MBNL2: variants seen among roughly 807,000 people sequenced by gnomAD.
MBNL2 encodes the protein muscleblind-like protein 2.
MBNL2 carries 17 observed loss-of-function variants against 41.9 expected under a neutral mutation model. The ratio of observed to expected loss-of-function variants is 0.41; its 90% CI spans 0.28 to 0.61. The LOEUF (loss-of-function observed/expected upper bound fraction) is 0.61. MBNL2 is among the 20% of genes least tolerant of loss of function. MBNL2 has a pLI of 0.35. For synonymous variants in MBNL2, 195 were observed against 182.9 expected, an observed-to-expected ratio of 1.07 and a Z score of -0.53; for missense variants, 336 against 505.6, an observed-to-expected ratio of 0.66 and a Z score of 3.22.
chr13:97,184,907 A>AT, the MBNL2 span, among the ~76,000 whole-genome samples: 458 of 150,790 alleles, frequency 3.0e-3, 2 homozygotes, highest in Non-Finnish European at 4.8e-3. Context: ...ATAGCCAAAA[A>AT]TTTTTTTTTT....
chr13:97,348,681 C>T (rs1453398154), intron 5 of MBNL2, among the ~76,000 whole-genome samples: 3 of 152,144 alleles, frequency 2.0e-5, no homozygotes, highest in African/African-American at 7.2e-5. Context: ...GTCCAGAGGG[C>T]ATGAAGGACT....
the MBNL2 span, among the ~76,000 whole-genome samples, chr13:97,206,189 CCT>C: frequency 3.4e-4 from 52 of 152,112 alleles, no homozygotes; most frequent in African/African-American, 1.2e-3. Context: ...AATTTACTCC[CCT>C]GTCTGAATCG....
intron 2 of MBNL2, among the ~76,000 whole-genome samples, chr13:97,333,882 ACTT>A (rs1209150625): frequency 6.7e-6 from 1 of 150,080 alleles, no homozygotes; most frequent in Non-Finnish European, 1.5e-5. Context: ...CAGCAGTCAC[ACTT>A]CTTTGGAATC....
chr13:97,346,265 ATGGATGG>A lies in MBNL2; in HGVS notation c.541-538_541-532del, dbSNP rs2061846846. 6.6e-6 allele frequency among the ~76,000 whole-genome samples: 1 copy of A among 152,084 alleles called. No individual in the cohort carries two copies. The highest frequency in any genetic ancestry group is 2.4e-5 in the African/African-American group (1 of 41,394). On this transcript the variant is annotated intron_variant, in intron 4 of 8. Coordinates refer to ENST00000679496, the MANE Select transcript of MBNL2 (RefSeq NM_001382683.1). This position sits in a 1 kb window ranked among gnomAD's most constrained non-coding sequence, Gnocchi z 4.2. The stretch of plus-strand genomic sequence containing the variant: ...AATAGATGGATGGATGGATGGATGG[ATGGATGG>A]ATAGATGGATGGGTGGATGGATAGA...
At chr13:97,195,648 A>G in the MBNL2 span, among the ~76,000 whole-genome samples, 1 of 152,212 alleles carries the variant, frequency 6.6e-6, no homozygotes, top group African/African-American at 2.4e-5. Context: ...GATCTAAGCC[A>G]TGGTACTAAA....
intron 2 of MBNL2, among the ~76,000 whole-genome samples, chr13:97,327,138 C>T (rs921107062): frequency 2.6e-5 from 4 of 152,128 alleles, no homozygotes; most frequent in African/African-American, 7.2e-5. Context: ...GGCACAAGGA[C>T]GAAAACAGAG....
At chr13:97,189,284 A>T in the MBNL2 span, among the ~76,000 whole-genome samples, 10 of 152,144 alleles carry the variant, frequency 6.6e-5, no homozygotes, top group Middle Eastern at 3.2e-3. Context: ...CTCATTGTTG[A>T]TGGAGACTGT....
chr13:97,353,857 A>G (rs2062732245), intron 5 of MBNL2, among the ~76,000 whole-genome samples: 1 of 151,712 alleles, frequency 6.6e-6, no homozygotes, highest in Non-Finnish European at 1.5e-5. Flanking sequence ...ATTGTTCAGG[A>G]AAGTCTGTAC....
rs1267371830 is a variant in MBNL2, at chr13:97,346,346, TAGATGATGGA to T, written c.541-457_541-448del. ...GGATAGATTGATAGATGATAGATAA[TAGATGATGGA>T]TGAATGAACAGGTGGATAGATGATT... is the stretch of plus-strand genomic sequence containing the variant. On this transcript the variant is annotated intron_variant, in intron 4 of 8. Transcript: ENST00000679496. This position sits in a 1 kb window ranked among gnomAD's most constrained non-coding sequence, Gnocchi z 4.2. Among the ~76,000 whole-genome samples, 1 of 151,338 alleles carries T rather than the reference TAGATGATGGA, an allele frequency of 6.6e-6. No homozygotes were observed. The highest frequency in any genetic ancestry group is 1.5e-5 in the Non-Finnish European group (1 of 67,948).
At chr13:97,236,340 C>T (rs1420101699) in intron 1 of MBNL2, among the ~76,000 whole-genome samples, 1 of 152,088 alleles carries the variant, frequency 6.6e-6, no homozygotes, top group Non-Finnish European at 1.5e-5. Flanking sequence ...TAAAATACAG[C>T]CAGCTAGGTA....
upstream of MBNL2, among the ~76,000 whole-genome samples, chr13:97,218,627 T>C (rs948480324): frequency 1.3e-5 from 2 of 152,124 alleles, no homozygotes; most frequent in African/African-American, 2.4e-5. Context: ...ACTTGTTCTT[T>C]AGTTTCTCAA....
chr13:97,180,860 A>G, the MBNL2 span, among the ~76,000 whole-genome samples: 1 of 151,866 alleles, frequency 6.6e-6, no homozygotes, highest in South Asian at 2.1e-4. Context: ...CAGATCTATT[A>G]TTTCACAGTT....
intron 1 of MBNL2, among the ~76,000 whole-genome samples, chr13:97,260,418 T>C (rs1444337811): frequency 1.3e-5 from 2 of 152,162 alleles, no homozygotes; most frequent in Admixed American, 6.5e-5. Flanking sequence ...TCTGATTACA[T>C]TTTCAAAGAG....
rs11423615 is a variant in MBNL2 at position 97,287,918 on chromosome 13, G to GTTTTTTT, written c.174+11513_174+11519dup. On this transcript the variant is annotated intron_variant, in intron 2 of 8. Transcript: ENST00000679496. ...TGCCACCAGGCCCGGCTAATTTTCTGTTTTTTTTTTGTTTTGTTTTGTTTT... is the reference window on the plus strand; with the variant it reads ...TGCCACCAGGCCCGGCTAATTTTCTGTTTTTTTTTTTTTTTTTGTTTTGTTTTGTTTT... Among the ~76,000 whole-genome samples, 126 of 124,604 alleles carry GTTTTTTT rather than the reference G, an allele frequency of 1.0e-3. 6 individuals are homozygous for GTTTTTTT. Among genetic ancestry groups the GTTTTTTT allele is most frequent in the African/African-American group, 4.3e-3 (123 of 28,762 alleles). The allele number at this position is 124,604 out of a possible 152,430, so 81.7% of individuals were successfully genotyped here.
intron 2 of MBNL2, among the ~76,000 whole-genome samples, chr13:97,324,993 A>C (rs2059799943): frequency 6.6e-6 from 1 of 152,100 alleles, no homozygotes; most frequent in African/African-American, 2.4e-5. Flanking sequence ...CACTGACTCA[A>C]ATGTTAATGT....
chr13:97,381,503 C>A (rs1011670889), intron 8 of MBNL2, among the ~76,000 whole-genome samples: 1 of 151,692 alleles, frequency 6.6e-6, no homozygotes, highest in Admixed American at 6.6e-5. Context: ...TTAAATCCAA[C>A]AAGATCTTGT....
intron 2 of MBNL2, among the ~76,000 whole-genome samples, chr13:97,277,707 A>G (rs1213568195): frequency 6.6e-6 from 1 of 152,234 alleles, no homozygotes; most frequent in African/African-American, 2.4e-5. Flanking sequence ...ATTTTGACAA[A>G]TTAGATCTGT....
chr13:97,188,233 C>T, the MBNL2 span, among the ~76,000 whole-genome samples: 1 of 152,168 alleles, frequency 6.6e-6, no homozygotes, highest in Non-Finnish European at 1.5e-5. Flanking sequence ...GACCTTGGTT[C>T]TCTCCTCTGC....
intron 2 of MBNL2, among the ~76,000 whole-genome samples, chr13:97,310,630 C>CGT (rs2058513031): frequency 6.6e-6 from 1 of 151,902 alleles, no homozygotes. Context: ...AGGGTTTCAG[C>CGT]GTGTTAGCCA....
Sources: gnomAD v4.1 joint callset for allele counts (sites outside exome capture counted in the v4.1 genomes callset) on GRCh38, gnomAD v4.1.1 for gene constraint, Gnocchi (gnomAD v3.1) non-coding constraint, MANE v1.5 for transcripts, NCBI Gene and HGNC (gene_info 2026-07-23, HGNC 2026-07-21) for gene names.